The following ZC3H18 variants were observed in gnomAD, a reference collection of about 807,000 sequenced individuals.
ZC3H18 encodes zinc finger CCCH-type containing 18, also known as zinc finger CCCH domain-containing protein 18.
In ZC3H18, 8 loss-of-function variants were observed where a neutral mutation model predicts 106.1. That is an observed-to-expected ratio of 0.08 (90% confidence interval 0.04 to 0.14). The LOEUF (loss-of-function observed/expected upper bound fraction) is 0.14. ZC3H18 is among the 10% of genes least tolerant of loss of function. The probability of loss-of-function intolerance (pLI) is 1.00; values close to 1 mark genes in which losing one functional copy is unlikely to be tolerated. For missense variants in ZC3H18, 1,318 were observed against 1,278.4 expected, an observed-to-expected ratio of 1.03 and a Z score of -0.47; for synonymous variants, 635 against 522.1, an observed-to-expected ratio of 1.22 and a Z score of -2.95.
chr16:88,603,662 G>A (rs1453766743), intron 6 of ZC3H18, among the ~76,000 whole-genome samples: 5 of 143,096 alleles, frequency 3.5e-5, no homozygotes, highest in African/African-American at 1.0e-4. Flanking sequence ...TGGCTCTGTC[G>A]CCCAGCGTGG....
chr16:88,614,423 A>G (rs1905454913), intron 8 of ZC3H18, among the ~76,000 whole-genome samples: 2 of 152,176 alleles, frequency 1.3e-5, no homozygotes, highest in Admixed American at 6.5e-5. Context: ...CAAGTCATCT[A>G]CGCTTTTCTG....
chr16:88,628,196 C>T (rs1021075718), intron 15 of ZC3H18, 77 bp downstream of exon 15: 16 of 1,542,142 alleles, frequency 1.0e-5, no homozygotes, highest in Non-Finnish European at 1.2e-5. Context: ...CAGCTTCCTC[C>T]TGGGGGACGG....
chr16:88,625,120 A>C, intron 12 of ZC3H18, 82 bp from the exon 13 acceptor site: 2 of 1,498,860 alleles, frequency 1.3e-6, no homozygotes, highest in South Asian at 2.4e-5. Flanking sequence ...GGCTCACCTC[A>C]CAGGGCTGCT....
chr16:88,622,098 C>T (rs781500491), intron 8 of ZC3H18, 99 bp from the exon 9 acceptor site: 20 of 1,366,412 alleles, frequency 1.5e-5, no homozygotes, highest in Non-Finnish European at 1.9e-5. Context: ...CTTAAATAAG[C>T]CAGGTATGAG....
At chr16:88,606,332 A>G (rs1443876549) in intron 6 of ZC3H18, among the ~76,000 whole-genome samples, 3 of 152,228 alleles carry the variant, frequency 2.0e-5, no homozygotes, top group African/African-American at 7.2e-5. Flanking sequence ...CACGTTCTCT[A>G]GAACGCATGC....
chr16:88,589,516 C>T (rs1254504305), intron 3 of ZC3H18, among the ~76,000 whole-genome samples: 3 of 152,200 alleles, frequency 2.0e-5, no homozygotes, highest in African/African-American at 7.2e-5. Flanking sequence ...ACAATGTGGA[C>T]AAACTTTGAA....
chr16:88,581,183 A>C (rs190915606), intron 2 of ZC3H18, among the ~76,000 whole-genome samples: 1 of 152,314 alleles, frequency 6.6e-6, no homozygotes, highest in African/African-American at 2.4e-5. Flanking sequence ...TTAATTTAAA[A>C]AACAGATGGG....
intron 1 of ZC3H18, among the ~76,000 whole-genome samples, chr16:88,571,029 G>A (rs1914370658): frequency 6.6e-6 from 1 of 152,212 alleles, no homozygotes; most frequent in South Asian, 2.1e-4. Context: ...CAGCTTCAAA[G>A]TGTGCACAGG....
intron 6 of ZC3H18, among the ~76,000 whole-genome samples, chr16:88,602,543 G>C (rs1904802297): frequency 6.6e-6 from 1 of 152,208 alleles, no homozygotes; most frequent in Non-Finnish European, 1.5e-5. Flanking sequence ...GGAGAGCCCA[G>C]GCCAGTGGTT....
chr16:88,599,064 G>A (rs906276210), intron 5 of ZC3H18, among the ~76,000 whole-genome samples: 3 of 152,206 alleles, frequency 2.0e-5, no homozygotes, highest in Admixed American at 6.5e-5. Flanking sequence ...CAGCAGCCCA[G>A]TAGGCCAGGG....
chr16:88,630,405 T>C (rs1906588049), intron 16 of ZC3H18, 80 bp from the exon 17 acceptor site: 2 of 1,099,834 alleles, frequency 1.8e-6, no homozygotes, highest in Admixed American at 4.1e-5. Flanking sequence ...TAGAAGTGAG[T>C]CCCTGGCATC....
At chr16:88,571,281 A>C (rs916296592) in intron 1 of ZC3H18, among the ~76,000 whole-genome samples, 1 of 152,238 alleles carries the variant, frequency 6.6e-6, no homozygotes, top group Admixed American at 6.5e-5. Context: ...GAACAACGCT[A>C]ACTCATTTGC....
Position 88,631,096 on chromosome 16 carries a change from T to C in ZC3H18, c.2664-5T>C, listed in dbSNP as rs905438695. On this transcript the variant is annotated splice_polypyrimidine_tract_variant and splice_region_variant and intron_variant, in intron 17 of 17. Transcript: ENST00000301011. ...GGGCTCAAGGTCTTCCCCACCCCCT[T>C]GTAGGAAGCGCCAGCTGTCACCCCA... 1 of 1,611,430 alleles carries C rather than the reference T, an allele frequency of 6.2e-7. No individual in the cohort carries two copies. The highest frequency in any genetic ancestry group is 1.3e-5 in the African/African-American group (1 of 74,954).
intron 6 of ZC3H18, among the ~76,000 whole-genome samples, chr16:88,607,509 A>G (rs544870284): frequency 1.3e-5 from 2 of 152,350 alleles, no homozygotes; most frequent in African/African-American, 4.8e-5. Context: ...TCCCAGTGCA[A>G]GAGGCGTCTC....
At chr16:88,630,615 C>A in intron 17 of ZC3H18, 34 bp downstream of exon 17, 1 of 1,555,034 alleles carries the variant, frequency 6.4e-7, no homozygotes, top group Non-Finnish European at 8.7e-7. Flanking sequence ...CTGGGCACAC[C>A]GAGGGGGCCA....
Position 88,627,842 on chromosome 16 carries a change from C to G in ZC3H18, c.2269+60C>G. The G allele has an allele frequency of 6.2e-7, 1 of 1,612,178 alleles. No homozygotes were observed. The highest frequency in any genetic ancestry group is 8.5e-7 in the Non-Finnish European group (1 of 1,178,896). ...TCCCGGGGGAGGAGGGCGGCATCAG[C>G]ACAGACTTTGCCTGGCTGTTGGTGT... On this transcript the variant is annotated intron_variant, in intron 14 of 17. Transcript: ENST00000301011. This position sits in a 1 kb window ranked among gnomAD's most constrained non-coding sequence, Gnocchi z 4.5.
intron 1 of ZC3H18, among the ~76,000 whole-genome samples, chr16:88,576,572 G>T (rs1190527467): frequency 6.6e-6 from 1 of 152,146 alleles, no homozygotes; most frequent in African/African-American, 2.4e-5. Flanking sequence ...GAGGCCCTCA[G>T]AGGCTGGCCT....
intron 3 of ZC3H18, among the ~76,000 whole-genome samples, chr16:88,594,688 A>G (rs908760624): frequency 6.6e-6 from 1 of 152,232 alleles, no homozygotes; most frequent in Non-Finnish European, 1.5e-5. Context: ...CAGTATATTG[A>G]TAACTGCCTC....
At chr16:88,594,635 A>G (rs1345583923) in intron 3 of ZC3H18, among the ~76,000 whole-genome samples, 3 of 152,156 alleles carry the variant, frequency 2.0e-5, no homozygotes, top group Admixed American at 6.6e-5. Context: ...AGCATAATAT[A>G]TATGCTCAGG....
Sources: gnomAD v4.1 joint callset for allele counts (sites outside exome capture counted in the v4.1 genomes callset) on GRCh38, gnomAD v4.1.1 for gene constraint, Gnocchi (gnomAD v3.1) non-coding constraint, MANE v1.5 for transcripts, NCBI Gene and HGNC (gene_info 2026-07-23, HGNC 2026-07-21) for gene names.